Variants in PUS7 observed in about 807,000 individuals in gnomAD.
PUS7 encodes the protein pseudouridylate synthase 7 homolog.
A neutral mutation model predicts 79.8 loss-of-function variants in PUS7; 48 were observed. The ratio of observed to expected loss-of-function variants is 0.60; its 90% CI spans 0.48 to 0.76. PUS7 has a LOEUF of 0.76. PUS7 is among the 30% of genes least tolerant of loss of function. The pLI, the probability that PUS7 is intolerant of heterozygous loss-of-function variation, is 0.00. For synonymous variants in PUS7, 286 were observed against 272.2 expected (o/e 1.05, Z -0.50); for missense variants, 729 against 797.6 (o/e 0.91, Z 1.04).
At chr7:105,496,121 G>C (rs1825003671) in intron 5 of PUS7, among the ~76,000 whole-genome samples, 1 of 148,806 alleles carries the variant, frequency 6.7e-6, no homozygotes, top group Non-Finnish European at 1.5e-5. Context: ...TCGTGCCATT[G>C]CATTCCAGCC....
At chr7:105,469,915 C>A (rs950597966) in intron 11 of PUS7, among the ~76,000 whole-genome samples, 1 of 152,188 alleles carries the variant, frequency 6.6e-6, no homozygotes, top group African/African-American at 2.4e-5. Context: ...GAAAAGTTTA[C>A]AAATTTGTGT....
intron 7 of PUS7, among the ~76,000 whole-genome samples, chr7:105,489,324 A>G (rs1424278808): frequency 1.3e-5 from 2 of 152,016 alleles, no homozygotes; most frequent in Non-Finnish European, 2.9e-5. Context: ...CTATCCACAG[A>G]GGATGAGAAA....
intron 9 of PUS7, among the ~76,000 whole-genome samples, chr7:105,479,389 T>C (rs1824228579): frequency 6.6e-6 from 1 of 152,186 alleles, no homozygotes; most frequent in Non-Finnish European, 1.5e-5. Flanking sequence ...AGCCAAGCAA[T>C]TGATGAGTTC....
intron 2 of PUS7, among the ~76,000 whole-genome samples, chr7:105,507,253 C>T (rs1486649602): frequency 2.0e-5 from 3 of 152,048 alleles, no homozygotes; most frequent in Non-Finnish European, 4.4e-5. Context: ...GCCATGTTGC[C>T]CAGGCTGGTC....
At chr7:105,481,202 G>C in intron 8 of PUS7, 25 bp from the exon 9 acceptor site, 1 of 1,589,972 alleles carries the variant, frequency 6.3e-7, no homozygotes, top group Non-Finnish European at 8.5e-7. Flanking sequence ...ATTATCCAGA[G>C]GAAAAAAAGT....
At chr7:105,461,357 A>G (rs899610021) in intron 14 of PUS7, among the ~76,000 whole-genome samples, 4 of 152,302 alleles carry the variant, frequency 2.6e-5, no homozygotes, top group South Asian at 2.1e-4. Flanking sequence ...CTCACTTCCC[A>G]TAACTGTTTA....
chr7:105,517,638 T>A (rs1199660351), intron 1 of PUS7, among the ~76,000 whole-genome samples: 3 of 152,124 alleles, frequency 2.0e-5, no homozygotes, highest in African/African-American at 7.2e-5. Flanking sequence ...TGGGCATGTG[T>A]GCATGTAGTC....
At chr7:105,497,242 A>G (rs575798774) in intron 5 of PUS7, among the ~76,000 whole-genome samples, 24 of 152,210 alleles carry the variant, frequency 1.6e-4, no homozygotes, top group Non-Finnish European at 2.6e-4. Flanking sequence ...TTCACGCTCA[A>G]AGCTGCACTG....
At chr7:105,475,543 C>T (rs112737947) in intron 9 of PUS7, among the ~76,000 whole-genome samples, 7 of 151,716 alleles carry the variant, frequency 4.6e-5, no homozygotes, top group East Asian at 1.9e-4. Flanking sequence ...AGGATGGTCT[C>T]GATCTCCTGA....
chr7:105,506,011 G>C lies in PUS7; in HGVS notation c.529C>G (p.Gln177Glu). ...IFTVLTAEEK[Q>E]RLEELQLFKN... ...AACAGCTGGAGCTCTTCCAATCGCTGCTTTTCTTCAGCTGTCAAAACTGTA... is the reference window on the plus strand; with the variant it reads ...AACAGCTGGAGCTCTTCCAATCGCTCCTTTTCTTCAGCTGTCAAAACTGTA... Residue 177 changes from glutamine to glutamate, a missense_variant, in exon 4 of 16, where the codon CAG (glutamine) becomes GAG (glutamate). Gln to Glu is a conservative substitution (Grantham distance 29). Transcript: ENST00000469408. The C allele has an allele frequency of 6.2e-7, 1 of 1,613,864 alleles. No homozygotes were observed. The highest frequency in any genetic ancestry group is 1.3e-5 in the African/African-American group (1 of 75,028).
intron 1 of PUS7, among the ~76,000 whole-genome samples, chr7:105,511,377 G>C (rs1053028783): frequency 1.3e-5 from 2 of 150,150 alleles, no homozygotes; most frequent in Non-Finnish European, 3.0e-5. Flanking sequence ...AACATCTTTT[G>C]CCACCTATAG....
At chr7:105,465,099 A>T (rs2385702) in intron 13 of PUS7, among the ~76,000 whole-genome samples, 4 of 152,082 alleles carry the variant, frequency 2.6e-5, no homozygotes, top group Non-Finnish European at 5.9e-5. Flanking sequence ...GATTGATTAT[A>T]GGCGTGAGCC....
chr7:105,519,971 A>G (rs73190167), intron 1 of PUS7, among the ~76,000 whole-genome samples: 20,891 of 152,178 alleles, frequency 0.14, 1,860 homozygotes, highest in South Asian at 0.26. Flanking sequence ...TCTCTCTCCT[A>G]GGTAAGGAAA....
At chr7:105,519,686 T>C (rs985237031) in intron 1 of PUS7, among the ~76,000 whole-genome samples, 25 of 152,238 alleles carry the variant, frequency 1.6e-4, no homozygotes, top group Admixed American at 1.6e-3. Flanking sequence ...CCTGTCCTCA[T>C]GTAGCTTACA....
intron 7 of PUS7, among the ~76,000 whole-genome samples, chr7:105,489,147 C>CA (rs762504334): frequency 0.078 from 2,586 of 33,234 alleles, 250 homozygotes; most frequent in African/African-American, 0.19. Flanking sequence ...AACTCCATCT[C>CA]AAAAAAAAAA....
At chr7:105,489,260 G>T (rs1234925701) in intron 7 of PUS7, among the ~76,000 whole-genome samples, 1 of 151,180 alleles carries the variant, frequency 6.6e-6, no homozygotes. Context: ...ATCACAGGAG[G>T]TGACTAGGTA....
At chr7:105,476,928 G>T (rs1028304891) in intron 9 of PUS7, among the ~76,000 whole-genome samples, 5 of 152,074 alleles carry the variant, frequency 3.3e-5, no homozygotes, top group African/African-American at 1.2e-4. Context: ...TTTTGAATTG[G>T]TTTTTCTTTG....
Position 105,481,061 on chromosome 7 carries a change from T to G in PUS7, c.1166A>C (p.Gln389Pro). 1 of 1,608,586 alleles carries G rather than the reference T, an allele frequency of 6.2e-7. No individual in the cohort carries two copies. The change falls in exon 9 of 16, where the codon CAG becomes CCG. Residue 389 changes from glutamine (Q) to proline (P), a missense_variant. Physicochemically the swap from Gln to Pro is moderately conservative, Grantham distance 76. Coordinates refer to ENST00000469408, the MANE Select transcript of PUS7 (RefSeq NM_019042.5). ...GAAATTAAATACCAACCTTCCAACC[T>G]GATACGTAGGGACAGCTGTGGTTCC... Reference protein sequence around the residue: ...RFGTTAVPTYQVGRAILQNSW... With the variant: ...RFGTTAVPTYPVGRAILQNSW...
intron 6 of PUS7, among the ~76,000 whole-genome samples, chr7:105,492,660 T>C (rs1170227517): frequency 6.6e-6 from 1 of 151,196 alleles, no homozygotes; most frequent in Non-Finnish European, 1.5e-5. Flanking sequence ...CGCCCGCCAC[T>C]ACGCCCGGCT....
Sources: allele counts gnomAD v4.1 joint callset (sites outside exome capture counted in the v4.1 genomes callset), GRCh38; gene constraint gnomAD v4.1.1; transcripts MANE v1.5; gene names NCBI Gene and HGNC (gene_info 2026-07-23, HGNC 2026-07-21).